The following SLC38A8 variants were observed in gnomAD, a reference collection of about 807,000 sequenced individuals.
The protein encoded by SLC38A8 is solute carrier family 38 member 8.
A neutral mutation model predicts 46.0 loss-of-function variants in SLC38A8; 65 were observed. The ratio of observed to expected loss-of-function variants is 1.41; its 90% CI spans 1.16 to 1.74. SLC38A8 has a LOEUF of 1.74. Ranked by LOEUF, SLC38A8 falls within the 40% of genes most tolerant of loss-of-function variation. SLC38A8 has a pLI of 0.00. For synonymous variants in SLC38A8, 447 were observed against 243.7 expected (o/e 1.83, Z -7.77); for missense variants, 998 against 567.9 (o/e 1.76, Z -7.70).
chr16:84,033,497 C>A, intron 3 of SLC38A8, 28 bp from the exon 4 acceptor site: 1 of 1,568,472 alleles, frequency 6.4e-7, no homozygotes, highest in Non-Finnish European at 8.6e-7. Flanking sequence ...AGAGCTGAGC[C>A]ACAGAGTACA....
chr16:84,010,995 G>A (rs1258378506), intron 10 of SLC38A8, among the ~76,000 whole-genome samples: 1 of 152,182 alleles, frequency 6.6e-6, no homozygotes. Context: ...AAGGAGGTCA[G>A]AGCGATAACA....
At chr16:84,017,793 C>A (rs539412063) in intron 7 of SLC38A8, among the ~76,000 whole-genome samples, 1 of 152,160 alleles carries the variant, frequency 6.6e-6, no homozygotes, top group Non-Finnish European at 1.5e-5. Context: ...TCTGTCACCC[C>A]GGGTTGCCTG....
At chr16:84,019,286 G>C (rs975297775) in intron 7 of SLC38A8, among the ~76,000 whole-genome samples, 1 of 152,072 alleles carries the variant, frequency 6.6e-6, no homozygotes, top group African/African-American at 2.4e-5. Flanking sequence ...GTGTTAGCCA[G>C]GATGCTCTCG....
chr16:84,021,002 G>A (rs1173786188), intron 7 of SLC38A8, among the ~76,000 whole-genome samples: 4 of 152,190 alleles, frequency 2.6e-5, no homozygotes, highest in African/African-American at 4.8e-5. Context: ...TAGCCATGCA[G>A]CATCCTGAAT....
chr16:84,019,673 C>G (rs1436437864), intron 7 of SLC38A8, among the ~76,000 whole-genome samples: 1 of 152,212 alleles, frequency 6.6e-6, no homozygotes, highest in African/African-American at 2.4e-5. Flanking sequence ...TCTTCATTCG[C>G]TCCAGCACCA....
intron 4 of SLC38A8, among the ~76,000 whole-genome samples, chr16:84,032,259 G>A (rs1393949332): frequency 1.3e-5 from 2 of 152,160 alleles, no homozygotes; most frequent in African/African-American, 4.8e-5. Flanking sequence ...CGCAATCTTG[G>A]CTCACTGCAA....
chr16:84,009,933 C>G, intron 10 of SLC38A8, 56 bp from the exon 11 acceptor site: 2 of 1,491,522 alleles, frequency 1.3e-6, no homozygotes, highest in Non-Finnish European at 9.2e-7. Context: ...ACAAATAAGC[C>G]ACACACACAT....
At chr16:84,025,848 G>A (rs1033541327) in intron 6 of SLC38A8, among the ~76,000 whole-genome samples, 3 of 152,226 alleles carry the variant, frequency 2.0e-5, no homozygotes, top group Admixed American at 1.3e-4. Flanking sequence ...CTCAGGCACC[G>A]CGCACCCCTG....
chr16:84,025,532 G>A (rs72799228), intron 6 of SLC38A8, among the ~76,000 whole-genome samples: 3,493 of 152,278 alleles, frequency 0.023, 76 homozygotes, highest in Non-Finnish European at 0.038. Context: ...GACCAAGTCT[G>A]CGTTGCTCAG....
chr16:84,033,231 C>G, intron 4 of SLC38A8, 97 bp downstream of exon 4: 1 of 1,533,220 alleles, frequency 6.5e-7, no homozygotes, highest in South Asian at 1.2e-5. Flanking sequence ...AATGTGAAGG[C>G]CAATTCCCCA....
chr16:84,032,766 G>A (rs544566003), intron 4 of SLC38A8, among the ~76,000 whole-genome samples: 14 of 152,344 alleles, frequency 9.2e-5, no homozygotes, highest in African/African-American at 3.4e-4. Context: ...GCAGCAGAGG[G>A]AGATGGATAC....
chr16:84,030,816 C>G (rs940863065), intron 5 of SLC38A8, among the ~76,000 whole-genome samples: 3 of 152,164 alleles, frequency 2.0e-5, no homozygotes, highest in Non-Finnish European at 4.4e-5. Context: ...GAAGGGTACA[C>G]TGAGCATGGG....
intron 3 of SLC38A8, among the ~76,000 whole-genome samples, chr16:84,035,508 A>G (rs2085290860): frequency 6.6e-6 from 1 of 152,232 alleles, no homozygotes; most frequent in African/African-American, 2.4e-5. Context: ...AGTTGGATAA[A>G]AAAGCAAGAC....
At chr16:84,024,593 C>A (rs1238638318) in intron 6 of SLC38A8, among the ~76,000 whole-genome samples, 1 of 151,996 alleles carries the variant, frequency 6.6e-6, no homozygotes, top group Non-Finnish European at 1.5e-5. Context: ...CCAGCCTGGC[C>A]AACATGGTGA....
intron 9 of SLC38A8, among the ~76,000 whole-genome samples, chr16:84,013,418 GTGTGTGTTT>G (rs1325327355): frequency 2.0e-5 from 2 of 99,498 alleles, no homozygotes; most frequent in African/African-American, 1.5e-4. Context: ...CTTTTGTTGT[GTGTGTGTTT>G]TTTTTTTTTT....
At chr16:84,019,824 G>C (rs1228715500) in intron 7 of SLC38A8, among the ~76,000 whole-genome samples, 1 of 152,230 alleles carries the variant, frequency 6.6e-6, no homozygotes, top group Non-Finnish European at 1.5e-5. Flanking sequence ...AAGGAGTAAA[G>C]GCTCTAAGCA....
intron 10 of SLC38A8, among the ~76,000 whole-genome samples, chr16:84,011,942 G>A (rs1033376152): frequency 1.3e-5 from 2 of 152,150 alleles, no homozygotes; most frequent in Non-Finnish European, 2.9e-5. Flanking sequence ...CAGGGAGAAA[G>A]CTAAATAATG....
chr16:84,021,250 A>G (rs552077868), intron 7 of SLC38A8, among the ~76,000 whole-genome samples: 12 of 152,282 alleles, frequency 7.9e-5, no homozygotes, highest in African/African-American at 2.9e-4. Context: ...TTTTTAATAG[A>G]AATGCGGTTT....
At chr16:84,040,987 G>C (rs916512409) in intron 2 of SLC38A8, 4 of 152,244 alleles carry the variant, frequency 2.6e-5, no homozygotes, top group African/African-American at 7.2e-5. Context: ...AGAGCCTCAG[G>C]GCACACAAAC....
Sources: gnomAD v4.1 joint callset for allele counts (sites outside exome capture counted in the v4.1 genomes callset) on GRCh38, gnomAD v4.1.1 for gene constraint, MANE v1.5 for transcripts, NCBI Gene and HGNC (gene_info 2026-07-23, HGNC 2026-07-21) for gene names.